The following SYT14 variants were observed in gnomAD, a reference collection of about 807,000 sequenced individuals.
SYT14 encodes synaptotagmin 14.
In SYT14, 32 loss-of-function variants were observed where a neutral mutation model predicts 74.2. The ratio of observed to expected loss-of-function variants is 0.43; its 90% CI spans 0.33 to 0.58. SYT14 has a LOEUF of 0.58. Among genes scored for constraint, SYT14 ranks in the 20% least tolerant of loss-of-function variants. The pLI is 0.05. For synonymous variants in SYT14, 298 were observed against 337.7 expected (o/e 0.88, Z 1.29); for missense variants, 791 against 981.8 (o/e 0.81, Z 2.60).
At chr1:210,031,601 G>A (rs948960767) in intron 5 of SYT14, among the ~76,000 whole-genome samples, 2 of 152,018 alleles carry the variant, frequency 1.3e-5, no homozygotes, top group Non-Finnish European at 2.9e-5. Context: ...TACCTATTCA[G>A]GTCGTCTGTT....
intron 5 of SYT14, among the ~76,000 whole-genome samples, chr1:210,035,581 T>A (rs904030496): frequency 1.9e-4 from 29 of 151,964 alleles, no homozygotes; most frequent in African/African-American, 6.3e-4. Flanking sequence ...CATCTTGAGA[T>A]AATTTTTTTA....
intron 2 of SYT14, among the ~76,000 whole-genome samples, chr1:209,957,285 C>T (rs2079008783): frequency 6.6e-6 from 1 of 152,130 alleles, no homozygotes. Flanking sequence ...CAAAGCCTTT[C>T]CCTTTTGTTT....
At chr1:210,126,095 C>T (rs1399910789) in intron 7 of SYT14, among the ~76,000 whole-genome samples, 3 of 151,930 alleles carry the variant, frequency 2.0e-5, no homozygotes, top group Non-Finnish European at 4.4e-5. Flanking sequence ...TCCAGCTATG[C>T]GGGAGCCTGA....
exon 10 of SYT14, chr1:210,169,192 G>C (rs1282932272): frequency 6.7e-6 from 1 of 148,154 alleles, no homozygotes; most frequent in African/African-American, 2.5e-5. Flanking sequence ...AAGAAGTTTG[G>C]GGGCTTTTTT....
intron 5 of SYT14, among the ~76,000 whole-genome samples, chr1:210,078,900 C>T (rs954912561): frequency 6.6e-6 from 1 of 151,942 alleles, no homozygotes; most frequent in South Asian, 2.1e-4. Flanking sequence ...GGTTATGTGC[C>T]ACCATGCCTG....
intron 5 of SYT14, among the ~76,000 whole-genome samples, chr1:210,076,502 G>T (rs11119403): frequency 2.0e-5 from 3 of 151,954 alleles, no homozygotes; most frequent in Non-Finnish European, 2.9e-5. Flanking sequence ...CCTGTTCCTC[G>T]CCTTTCATAT....
At chr1:210,083,727 C>T (rs1349703404) in intron 5 of SYT14, among the ~76,000 whole-genome samples, 2 of 151,956 alleles carry the variant, frequency 1.3e-5, no homozygotes, top group African/African-American at 4.8e-5. Context: ...ACGTCACCAC[C>T]CCTGGCTAAT....
rs200140912 is a variant in SYT14, at chr1:210,090,880, AT to A, written c.1313-3436del. Among the ~76,000 whole-genome samples, 859 of 152,270 alleles carry A rather than the reference AT, an allele frequency of 5.6e-3. 7 individuals are homozygous for A. Among genetic ancestry groups the A allele is most frequent in the Admixed American group, 0.012 (190 of 15,284 alleles). Reference sequence around the variant, plus strand: ...AAAAAGGAGGGATCTTCATAACTATATTTTTTAATGAAATTTTTATTCCACC... The same window carrying A: ...AAAAAGGAGGGATCTTCATAACTATATTTTTAATGAAATTTTTATTCCACC... On this transcript the variant is annotated intron_variant, in intron 5 of 9. Coordinates refer to ENST00000637265, the Ensembl canonical transcript of SYT14.
intron 1 of SYT14, among the ~76,000 whole-genome samples, chr1:209,940,805 G>C (rs1337138099): frequency 1.3e-5 from 2 of 152,112 alleles, no homozygotes; most frequent in Admixed American, 1.3e-4. Flanking sequence ...ATCTGTAGTT[G>C]TATGTTTTAA....
chr1:210,055,037 C>T (rs940831801), intron 5 of SYT14, among the ~76,000 whole-genome samples: 1 of 152,186 alleles, frequency 6.6e-6, no homozygotes, highest in Non-Finnish European at 1.5e-5. Context: ...TTCTTACCCA[C>T]TACCTTCTAA....
At chr1:210,010,862 T>C (rs1380801869) in intron 2 of SYT14, among the ~76,000 whole-genome samples, 2 of 152,172 alleles carry the variant, frequency 1.3e-5, no homozygotes, top group African/African-American at 4.8e-5. Flanking sequence ...TAGTTTAATA[T>C]CTCTTTGTCT....
At chr1:210,022,957 G>A (rs923014466) in intron 5 of SYT14, among the ~76,000 whole-genome samples, 1 of 152,082 alleles carries the variant, frequency 6.6e-6, no homozygotes, top group African/African-American at 2.4e-5. Context: ...GAGGAGAGAG[G>A]TACACAATCT....
intron 2 of SYT14, among the ~76,000 whole-genome samples, chr1:209,965,632 C>T (rs2079144822): frequency 6.6e-6 from 1 of 152,106 alleles, no homozygotes; most frequent in Non-Finnish European, 1.5e-5. Flanking sequence ...GAGAAATCTC[C>T]AGACTGCTTT....
At chr1:210,149,480 C>T (rs11119422) in intron 7 of SYT14, among the ~76,000 whole-genome samples, 38,851 of 151,914 alleles carry the variant, frequency 0.26, 5,983 homozygotes, top group East Asian at 0.42. Context: ...CCACTGCACA[C>T]GGCGGATCAT....
chr1:210,043,136 A>G (rs1190527869), intron 5 of SYT14, among the ~76,000 whole-genome samples: 1 of 152,202 alleles, frequency 6.6e-6, no homozygotes, highest in Non-Finnish European at 1.5e-5. Context: ...GAGTTCACTC[A>G]TGATTTGGCT....
chr1:209,978,514 A>G (rs543588421), intron 2 of SYT14, among the ~76,000 whole-genome samples: 1 of 152,318 alleles, frequency 6.6e-6, no homozygotes, highest in South Asian at 2.1e-4. Context: ...AGGCTGCAGA[A>G]CAGCAGATAT....
intron 7 of SYT14, among the ~76,000 whole-genome samples, chr1:210,144,960 G>C (rs1246639128): frequency 6.6e-6 from 1 of 152,112 alleles, no homozygotes; most frequent in Admixed American, 6.6e-5. Context: ...CAGTGACTCA[G>C]ATATCTCAGA....
At chr1:210,121,687 G>A (rs879379866) in intron 7 of SYT14, among the ~76,000 whole-genome samples, 2 of 151,772 alleles carry the variant, frequency 1.3e-5, no homozygotes, top group Admixed American at 6.6e-5. Context: ...CCAGCTACTC[G>A]GGAGGCTGAG....
chr1:210,093,065 A>G (rs971657109), intron 5 of SYT14, among the ~76,000 whole-genome samples: 1 of 151,584 alleles, frequency 6.6e-6, no homozygotes, highest in Non-Finnish European at 1.5e-5. Context: ...TTGAGAGATG[A>G]CTCTGTGGTT....
Sources: gnomAD v4.1 joint callset for allele counts (sites outside exome capture counted in the v4.1 genomes callset) on GRCh38, gnomAD v4.1.1 for gene constraint, MANE v1.5 for transcripts, NCBI Gene and HGNC (gene_info 2026-07-23, HGNC 2026-07-21) for gene names.